Variants in RPL37 observed in about 807,000 individuals in gnomAD.
The protein encoded by RPL37 is ribosomal protein L37, also known as large ribosomal subunit protein eL37.
In RPL37, 1 loss-of-function variant was observed where a neutral mutation model predicts 14.8. The ratio of observed to expected loss-of-function variants is 0.07; its 90% CI spans 0.02 to 0.32. The LOEUF is 0.32. Among genes scored for constraint, RPL37 ranks in the 10% least tolerant of loss-of-function variants. RPL37 has a pLI of 1.00. For synonymous variants in RPL37, 53 were observed against 45.8 expected (o/e 1.16, Z -0.63); for missense variants, 100 against 128.3 (o/e 0.78, Z 1.06).
chr5:40,829,288 G>A lies in RPL37; in HGVS notation c.*3216C>T, dbSNP rs746187281. ...TTTCCAGCTTCAAGACTCATCACATGCACACTAACACTTTCCACATTCATC... is the reference window on the plus strand; with the variant it reads ...TTTCCAGCTTCAAGACTCATCACATACACACTAACACTTTCCACATTCATC... On this transcript the variant is annotated 3_prime_UTR_variant, in exon 4 of 4. Transcript: ENST00000274242. The A allele has an allele frequency of 6.6e-6, 1 of 152,172 alleles. No individual in the cohort carries two copies. Among genetic ancestry groups the A allele is most frequent in the African/African-American group, 2.4e-5 (1 of 41,442 alleles). The allele number at this position is 152,172 out of a possible 1,614,324, so 9.4% of individuals were successfully genotyped here.
chr5:40,832,758 G>A (rs772578502), intron 3 of RPL37, 185 bp from the exon 4 acceptor site: 9 of 726,264 alleles, frequency 1.2e-5, no homozygotes, highest in Non-Finnish European at 2.3e-5. Flanking sequence ...TTTGCTTAAA[G>A]ATACCCATTT....
chr5:40,834,724 G>C lies in RPL37; in HGVS notation c.4-118C>G, dbSNP rs192609555. 176 of 1,182,376 alleles carry C rather than the reference G, an allele frequency of 1.5e-4. 2 individuals carry two copies. In the East Asian group the frequency reaches 4.0e-3, roughly 27 times the overall value. The allele number at this position is 1,182,376 out of a possible 1,614,324, so 73.2% of individuals were successfully genotyped here. A position where few individuals can be genotyped will look rare whatever the true frequency, so the allele number is the denominator to read the frequency against. ...GCAATCGTAAAGATCGAAACTGCGG[G>C]AGAAGCCTCTTTCCACGAATGCCAA... On this transcript the variant is annotated intron_variant, in intron 1 of 3. Coordinates refer to ENST00000274242, the MANE Select transcript of RPL37 (RefSeq NM_000997.5).
In RPL37 at chr5:40,834,280, C is replaced by A; in HGVS notation, c.140-15G>T. ...ACTCCAGTTATCTAAAACATAAGTT[C>A]AGAAAAGATTTCAAACGGTGTTCTC... On this transcript the variant is annotated splice_polypyrimidine_tract_variant and intron_variant, in intron 2 of 3. Coordinates refer to ENST00000274242, the MANE Select transcript of RPL37 (RefSeq NM_000997.5). 6.2e-7 allele frequency: 1 copy of A among 1,611,984 alleles called. No homozygotes were observed. Among genetic ancestry groups the A allele is most frequent in the Non-Finnish European group, 8.5e-7 (1 of 1,178,058 alleles).
chr5:40,834,000 G>A (rs767954947), intron 3 of RPL37, 181 bp downstream of exon 3: 30 of 589,330 alleles, frequency 5.1e-5, no homozygotes, highest in Non-Finnish European at 6.9e-5. Flanking sequence ...AGCCGTGATC[G>A]TGCCACTACA....
At chr5:40,834,401 A>T in intron 2 of RPL37, 70 bp downstream of exon 2, 2 of 1,590,018 alleles carry the variant, frequency 1.3e-6, no homozygotes, top group Non-Finnish European at 1.7e-6. Flanking sequence ...AATAAAGTTC[A>T]AACCTATGCC....
Position 40,827,675 on chromosome 5 carries a change from CT to C in RPL37, c.*4828del, listed in dbSNP as rs1745547748. On this transcript the variant is annotated 3_prime_UTR_variant, in exon 4 of 4. Coordinates refer to ENST00000274242, the MANE Select transcript of RPL37 (RefSeq NM_000997.5). ...GAACCATTTTTCCATTGCAACTTTT[CT>C]TGTCAAAACATCCTTCTACTTACAA... The C allele has an allele frequency of 6.6e-6, 1 of 151,998 alleles. No homozygotes were observed. The highest frequency in any genetic ancestry group is 2.1e-4 in the South Asian group (1 of 4,826). 9.4% of individuals were successfully genotyped at this position (151,998 alleles called of 1,614,324 possible). A position where few individuals can be genotyped will look rare whatever the true frequency, so the allele number is the denominator to read the frequency against.
rs372002741 is a variant in RPL37 at position 40,827,489 on chromosome 5, T to C, written c.*5015A>G. On this transcript the variant is annotated 3_prime_UTR_variant, in exon 4 of 4. Coordinates refer to ENST00000274242, the MANE Select transcript of RPL37 (RefSeq NM_000997.5). The stretch of plus-strand genomic sequence containing the variant: ...CAACTAATCATGATGAAAATACTTT[T>C]TGTTATCTGTGAGTAATCTAAAAAT... The C allele has an allele frequency of 6.6e-6, 1 of 152,216 alleles. No individual in the cohort carries two copies. Among genetic ancestry groups the C allele is most frequent in the Non-Finnish European group, 1.5e-5 (1 of 68,030 alleles). The allele number at this position is 152,216 out of a possible 1,614,324, so 9.4% of individuals were successfully genotyped here.
In RPL37 at chr5:40,828,584, G is replaced by T. The variant is rs992580328; in HGVS notation, c.*3920C>A. The stretch of plus-strand genomic sequence containing the variant: ...AATCTCGTGACCTCTTGGCAAACTG[G>T]TTTTTCTTTGCTGCTCTAACATGAG... On this transcript the variant is annotated 3_prime_UTR_variant, in exon 4 of 4. Transcript: ENST00000274242. 1 of 152,146 alleles carries T rather than the reference G, an allele frequency of 6.6e-6. No individual in the cohort carries two copies. The highest frequency in any genetic ancestry group is 1.5e-5 in the Non-Finnish European group (1 of 68,022). The allele number at this position is 152,146 out of a possible 1,614,324, so 9.4% of individuals were successfully genotyped here.
chr5:40,830,065 C>CA lies in RPL37; in HGVS notation c.*2438dup, dbSNP rs757900342. 22 of 151,994 alleles carry CA rather than the reference C, an allele frequency of 1.4e-4. No individual in the cohort carries two copies. The highest frequency in any genetic ancestry group is 2.2e-4 in the Non-Finnish European group (15 of 67,994). 9.4% of individuals were successfully genotyped at this position (151,994 alleles called of 1,614,324 possible). ...GGTAGTCTGCTTTGACAGCTGGGGG[C>CA]AAATCAACCTGACTTTGTGAACTAA... On this transcript the variant is annotated 3_prime_UTR_variant, in exon 4 of 4. Coordinates refer to ENST00000274242, the MANE Select transcript of RPL37 (RefSeq NM_000997.5).
At chr5:40,833,203 T>C (rs1467597469) in intron 3 of RPL37, among the ~76,000 whole-genome samples, 1 of 152,222 alleles carries the variant, frequency 6.6e-6, no homozygotes, top group Non-Finnish European at 1.5e-5. Context: ...TACAAAGCCC[T>C]GAACTGTCTT....
In RPL37 at chr5:40,829,135, G is replaced by T. The variant is rs970803127; in HGVS notation, c.*3369C>A. ...AAATTATACAGAAATGGGAAGCTTGGAAGTTAGCTACTCACTTGCACATTC... is the reference window on the plus strand; with the variant it reads ...AAATTATACAGAAATGGGAAGCTTGTAAGTTAGCTACTCACTTGCACATTC... On this transcript the variant is annotated 3_prime_UTR_variant, in exon 4 of 4. Transcript: ENST00000274242. The T allele has an allele frequency of 1.3e-5, 2 of 152,154 alleles. No individual in the cohort carries two copies. Among genetic ancestry groups the T allele is most frequent in the African/African-American group, 4.8e-5 (2 of 41,452 alleles). The allele number at this position is 152,154 out of a possible 1,614,324, so 9.4% of individuals were successfully genotyped here. A position where few individuals can be genotyped will look rare whatever the true frequency, so the allele number is the denominator to read the frequency against.
intron 3 of RPL37, among the ~76,000 whole-genome samples, chr5:40,833,681 A>T (rs897519821): frequency 2.0e-5 from 3 of 151,666 alleles, no homozygotes; most frequent in African/African-American, 7.3e-5. Context: ...AACCTAATAA[A>T]TATCAACACT....
Position 40,835,176 on chromosome 5 carries a change from A to G in RPL37, c.3+7T>C. 6.2e-7 allele frequency: 1 copy of G among 1,614,122 alleles called. No individual in the cohort carries two copies. On this transcript the variant is annotated splice_region_variant and intron_variant, in intron 1 of 3. Transcript: ENST00000274242. ...CGCGATTCACAAACACCACAGTCAC[A>G]ACTCACCATCTCGCTTCTGCGGCCG...
Position 40,832,291 on chromosome 5 carries a change from T to C in RPL37, c.*213A>G. 1 of 558,426 alleles carries C rather than the reference T, an allele frequency of 1.8e-6. No individual in the cohort carries two copies. Among genetic ancestry groups the C allele is most frequent in the Non-Finnish European group, 3.3e-6 (1 of 302,800 alleles). 34.6% of individuals were successfully genotyped at this position (558,426 alleles called of 1,614,324 possible). On this transcript the variant is annotated 3_prime_UTR_variant, in exon 4 of 4. Coordinates refer to ENST00000274242, the MANE Select transcript of RPL37 (RefSeq NM_000997.5). ...GGACTCCTGGAATTCTGCTTGTTTC[T>C]CATTGCCTTTAACCGTGTTACAAAC...
rs1426252575 is a variant in RPL37, at chr5:40,826,349, T to G, written c.*6155A>C. The G allele has an allele frequency of 1.3e-5, 2 of 150,160 alleles. No homozygotes were observed. Among genetic ancestry groups the G allele is most frequent in the African/African-American group, 5.1e-5 (2 of 39,554 alleles). The allele number at this position is 150,160 out of a possible 1,614,324, so 9.3% of individuals were successfully genotyped here. ...GTCAGTTTTCAGTTTTTATCATTAT[T>G]TATTATTTTATTTTTTATATCCCAG... On this transcript the variant is annotated 3_prime_UTR_variant, in exon 4 of 4. Coordinates refer to ENST00000274242, the MANE Select transcript of RPL37 (RefSeq NM_000997.5).
rs141246258 is a variant in RPL37, at chr5:40,834,552, G to A, written c.58C>T (p.Arg20Cys). The A allele has an allele frequency of 6.8e-6, 11 of 1,614,016 alleles. No homozygotes were observed. Among genetic ancestry groups the A allele is most frequent in the African/African-American group, 5.3e-5 (4 of 74,910 alleles). Residue 20 changes from arginine to cysteine, a missense_variant, in exon 2 of 4, where the codon CGC (arginine) becomes TGC (cysteine). By Grantham distance (180) the Arg-to-Cys change is radical (BLOSUM62 -3). Coordinates refer to ENST00000274242, the MANE Select transcript of RPL37 (RefSeq NM_000997.5). ...KRRNKTHTLC[R>C]RCGSKAYHLQ... ...TGGTAGGCCTTAGAGCCACAGCGGC[G>A]GCACAACGTGTGCGTCTTATTGCGA... is the stretch of plus-strand genomic sequence containing the variant.
intron 3 of RPL37, among the ~76,000 whole-genome samples, chr5:40,833,258 C>A (rs192361699): frequency 1.3e-5 from 2 of 152,172 alleles, no homozygotes; most frequent in African/African-American, 2.4e-5. Flanking sequence ...TGGGTAGAGG[C>A]TAGGGATTCT....
rs1046150974 is a variant in RPL37, at chr5:40,825,886, A to T, written c.*6618T>A. ...GCACCTGGCTAATTTTTGTATTTTT[A>T]GTGGAGACGGGGTTTCGCCATGTTG... On this transcript the variant is annotated 3_prime_UTR_variant, in exon 4 of 4. Coordinates refer to ENST00000274242, the MANE Select transcript of RPL37 (RefSeq NM_000997.5). The T allele has an allele frequency of 2.0e-5, 3 of 152,016 alleles. No homozygotes were observed. Among genetic ancestry groups the T allele is most frequent in the African/African-American group, 7.3e-5 (3 of 41,322 alleles). The allele number at this position is 152,016 out of a possible 1,614,324, so 9.4% of individuals were successfully genotyped here. A position where few individuals can be genotyped will look rare whatever the true frequency, so the allele number is the denominator to read the frequency against.
At chr5:40,833,720 GTTAT>G (rs1202636181) in intron 3 of RPL37, among the ~76,000 whole-genome samples, 13 of 149,934 alleles carry the variant, frequency 8.7e-5, no homozygotes, top group Non-Finnish European at 1.2e-4. Flanking sequence ...CAATGCTCCT[GTTAT>G]TTAATTTATA....
Sources: allele counts gnomAD v4.1 joint callset (sites outside exome capture counted in the v4.1 genomes callset), GRCh38; gene constraint gnomAD v4.1.1; transcripts MANE v1.5; gene names NCBI Gene and HGNC (gene_info 2026-07-23, HGNC 2026-07-21).